The following MYH15 variants were observed in gnomAD, a reference collection of about 807,000 sequenced individuals.
The protein encoded by MYH15 is myosin-15.
MYH15 carries 227 observed loss-of-function variants against 240.5 expected under a neutral mutation model. That is an observed-to-expected ratio of 0.94 (90% confidence interval 0.85 to 1.05). The LOEUF is 1.05. Ranked by LOEUF, MYH15 falls within the 50% of genes least tolerant of loss-of-function variation. MYH15 has a pLI of 0.00. For synonymous variants in MYH15, 785 were observed against 796.7 expected, an observed-to-expected ratio of 0.99 and a Z score of 0.25; for missense variants, 2,217 against 2,247.5, an observed-to-expected ratio of 0.99 and a Z score of 0.27.
chr3:108,508,459 T>C (rs984578545), intron 1 of MYH15, among the ~76,000 whole-genome samples: 1 of 152,234 alleles, frequency 6.6e-6, no homozygotes, highest in South Asian at 2.1e-4. Flanking sequence ...TAAAAAGATA[T>C]AAAGCCACAT....
intron 27 of MYH15, among the ~76,000 whole-genome samples, chr3:108,428,126 G>A (rs2082740880): frequency 6.6e-6 from 1 of 152,168 alleles, no homozygotes; most frequent in East Asian, 1.9e-4. Flanking sequence ...TAGGTTCTAG[G>A]AGTATCCAGG....
chr3:108,485,838 T>G (rs2083301310), intron 10 of MYH15, among the ~76,000 whole-genome samples: 1 of 152,230 alleles, frequency 6.6e-6, no homozygotes, highest in African/African-American at 2.4e-5. Flanking sequence ...CTTCTAGGAA[T>G]CTAGCATAAG....
chr3:108,420,303 C>A (rs965352440), intron 28 of MYH15, among the ~76,000 whole-genome samples: 46 of 152,158 alleles, frequency 3.0e-4, no homozygotes, highest in Non-Finnish European at 1.2e-4. Flanking sequence ...TATATTCTGA[C>A]AGATGGAGAC....
intron 1 of MYH15, among the ~76,000 whole-genome samples, chr3:108,523,964 CT>C (rs762120161): frequency 2.2e-4 from 33 of 152,010 alleles, no homozygotes; most frequent in African/African-American, 6.5e-4. Context: ...AACAATTCCC[CT>C]ATTGACATTT....
intron 33 of MYH15, among the ~76,000 whole-genome samples, chr3:108,403,131 A>G (rs34051968): frequency 0.27 from 40,421 of 152,200 alleles, 5,721 homozygotes; most frequent in Non-Finnish European, 0.31. Flanking sequence ...CAAGTGAAAC[A>G]TATCACATAC....
chr3:108,538,886 C>A, the MYH15 span, among the ~76,000 whole-genome samples: 5 of 152,234 alleles, frequency 3.3e-5, no homozygotes, highest in South Asian at 1.0e-3. Flanking sequence ...GGTCTTCTTG[C>A]TGCACATCAC....
At chr3:108,523,315 T>C (rs541538125) in intron 1 of MYH15, among the ~76,000 whole-genome samples, 3 of 151,932 alleles carry the variant, frequency 2.0e-5, no homozygotes, top group Non-Finnish European at 2.9e-5. Flanking sequence ...ATAAAGATTA[T>C]CTTAAAATAA....
chr3:108,528,421 T>C (rs2107277336), intron 1 of MYH15, among the ~76,000 whole-genome samples: 1 of 152,318 alleles, frequency 6.6e-6, no homozygotes, highest in South Asian at 2.1e-4. Flanking sequence ...CTTGCAATAG[T>C]CTTCTTGGTA....
intron 32 of MYH15, 137 bp from the exon 33 acceptor site, chr3:108,405,590 G>C: frequency 2.4e-6 from 1 of 424,070 alleles, no homozygotes; most frequent in Non-Finnish European, 4.2e-6. Flanking sequence ...GGTCCCTAGA[G>C]ATTGCAACAC....
intron 11 of MYH15, among the ~76,000 whole-genome samples, chr3:108,481,999 C>T (rs1255972717): frequency 3.3e-5 from 5 of 152,044 alleles, no homozygotes; most frequent in South Asian, 2.1e-4. Flanking sequence ...ACCTATCCAT[C>T]GTAGGCAAGG....
At chr3:108,389,234 G>A (rs772167597) in intron 37 of MYH15, among the ~76,000 whole-genome samples, 160 bp from the exon 38 acceptor site, 11 of 152,068 alleles carry the variant, frequency 7.2e-5, no homozygotes, top group African/African-American at 1.4e-4. Flanking sequence ...AAACTCTCTC[G>A]CCAAAAGTAA....
intron 9 of MYH15, among the ~76,000 whole-genome samples, chr3:108,491,886 A>G (rs1353388549): frequency 6.6e-6 from 1 of 151,956 alleles, no homozygotes; most frequent in Non-Finnish European, 1.5e-5. Flanking sequence ...TCCACTCTTC[A>G]CTTTGTCTGA....
In MYH15 at chr3:108,381,573, T is replaced by G; in HGVS notation, c.5767-14A>C. The stretch of plus-strand genomic sequence containing the variant: ...TTCTTCTTGAACCTGAAAAACAGAA[T>G]GTCAGTGTGTTCTGTGAATTTCCTG... On this transcript the variant is annotated splice_polypyrimidine_tract_variant and intron_variant, in intron 40 of 40. Coordinates refer to ENST00000693548, the MANE Select transcript of MYH15 (RefSeq NM_014981.3). 6.2e-7 allele frequency: 1 copy of G among 1,613,374 alleles called. No individual in the cohort carries two copies. The highest frequency in any genetic ancestry group is 2.2e-5 in the East Asian group (1 of 44,872).
intron 2 of MYH15, among the ~76,000 whole-genome samples, chr3:108,503,790 A>T (rs74652807): frequency 6.6e-6 from 1 of 152,226 alleles, no homozygotes; most frequent in Non-Finnish European, 1.5e-5. Flanking sequence ...CCAGCAATAC[A>T]CTCCTAGCTA....
chr3:108,474,743 G>A (rs1294881986), intron 12 of MYH15, among the ~76,000 whole-genome samples: 2 of 152,158 alleles, frequency 1.3e-5, no homozygotes, highest in African/African-American at 4.8e-5. Flanking sequence ...TGTGGTGAAT[G>A]TCTAAGAAGG....
intron 25 of MYH15, among the ~76,000 whole-genome samples, chr3:108,432,659 C>T (rs1397164468): frequency 6.6e-6 from 1 of 152,152 alleles, no homozygotes; most frequent in East Asian, 1.9e-4. Flanking sequence ...GACTTGGTGC[C>T]CTGCGTCCCA....
intron 9 of MYH15, among the ~76,000 whole-genome samples, chr3:108,490,868 CAA>C (rs1192225320): frequency 6.6e-6 from 1 of 151,926 alleles, no homozygotes; most frequent in African/African-American, 2.4e-5. Context: ...ATATAACCTA[CAA>C]AGAAATTAGA....
chr3:108,475,210 T>C (rs2083210173), intron 12 of MYH15, among the ~76,000 whole-genome samples: 1 of 152,112 alleles, frequency 6.6e-6, no homozygotes, highest in Non-Finnish European at 1.5e-5. Context: ...GTATACTGAG[T>C]AAGACAATCA....
At position 108,410,576 on chromosome 3, in the gene MYH15, G is replaced by A. The variant is rs764633444; in HGVS notation, c.4495+7C>T. 18 of 1,567,262 alleles carry A rather than the reference G, an allele frequency of 1.1e-5. No homozygotes were observed. The African/African-American group carries it at 1.4e-4, about 12-fold the overall frequency. ...CTGGCTTTGGCTCTGAGCCCAGCTC[G>A]GTGTACCTTGGAGGTTCTTGTTCTC... On this transcript the variant is annotated splice_region_variant and intron_variant, in intron 31 of 40. Transcript: ENST00000693548.
Sources: gnomAD v4.1 joint callset for allele counts (sites outside exome capture counted in the v4.1 genomes callset) on GRCh38, gnomAD v4.1.1 for gene constraint, MANE v1.5 for transcripts, NCBI Gene and HGNC (gene_info 2026-07-23, HGNC 2026-07-21) for gene names.